Variants in PCDH11X observed in about 807,000 individuals in gnomAD.
PCDH11X encodes protocadherin 11 X-linked, also known as protocadherin-11 X-linked.
Under a neutral mutation model 53.3 loss-of-function variants are expected in PCDH11X, and 18 were observed. That is an observed-to-expected ratio of 0.34 (90% confidence interval 0.23 to 0.50). The LOEUF (loss-of-function observed/expected upper bound fraction) is 0.50, where lower values mean the gene tolerates loss of function less well. PCDH11X is among the 20% of genes least tolerant of loss of function. The pLI, the probability that PCDH11X is intolerant of heterozygous loss-of-function variation, is 0.98. For synonymous variants in PCDH11X, 279 were observed against 393.3 expected (o/e 0.71, Z 3.44); for missense variants, 570 against 1,032.4 (o/e 0.55, Z 6.14).
intron 8 of PCDH11X, among the ~76,000 whole-genome samples, chrX:92,343,678 C>CA (rs2069820030): frequency 9.0e-6 from 1 of 111,338 alleles, no homozygotes. Context: ...GTCTGTATTT[C>CA]AAAAAATACA....
At chrX:92,214,689 T>G (rs2066656503) in intron 7 of PCDH11X, among the ~76,000 whole-genome samples, 1 of 111,165 alleles carries the variant, frequency 9.0e-6, no homozygotes, top group Non-Finnish European at 1.9e-5. Flanking sequence ...CATGGACGTT[T>G]AGGTTTCCAT....
chrX:91,972,534 C>G (rs997002294), intron 6 of PCDH11X, among the ~76,000 whole-genome samples: 2 of 110,239 alleles, frequency 1.8e-5, no homozygotes, highest in Non-Finnish European at 3.8e-5. Context: ...ATGCCTACAT[C>G]CTGAATGGTA....
chrX:91,962,788 A>C (rs1356271589), intron 6 of PCDH11X, among the ~76,000 whole-genome samples: 3 of 110,991 alleles, frequency 2.7e-5, no homozygotes, highest in African/African-American at 9.8e-5. Flanking sequence ...AAATCTAGAT[A>C]GAAGTTCCCA....
At chrX:92,222,850 T>C (rs1039527148) in intron 7 of PCDH11X, among the ~76,000 whole-genome samples, 1 of 112,215 alleles carries the variant, frequency 8.9e-6, no homozygotes, top group Non-Finnish European at 1.9e-5. Flanking sequence ...ATTCCAGCCC[T>C]GATGTATGGA....
At chrX:92,409,358 G>A in intron 9 of PCDH11X, among the ~76,000 whole-genome samples, 1 of 112,049 alleles carries the variant, frequency 8.9e-6, no homozygotes, top group Non-Finnish European at 1.9e-5. Flanking sequence ...CTAGAACGTG[G>A]TTTGGCATTC....
At chrX:92,490,670 C>T (rs2073739887) in intron 10 of PCDH11X, among the ~76,000 whole-genome samples, 1 of 107,154 alleles carries the variant, frequency 9.3e-6, no homozygotes, top group South Asian at 4.2e-4. Context: ...TGCCCTGTCT[C>T]ACTATCATGC....
At chrX:92,407,163 A>G (rs1336112775) in intron 9 of PCDH11X, among the ~76,000 whole-genome samples, 3 of 107,594 alleles carry the variant, frequency 2.8e-5, no homozygotes, top group African/African-American at 6.8e-5. Flanking sequence ...TTATTGGCAT[A>G]TGTAAGTTTA....
At chrX:91,824,311 C>A (rs1421326379) in intron 4 of PCDH11X, among the ~76,000 whole-genome samples, 1 of 110,519 alleles carries the variant, frequency 9.0e-6, no homozygotes, top group Non-Finnish European at 1.9e-5. Flanking sequence ...TTCAGGTACA[C>A]CAATCAGACG....
At chrX:92,425,333 A>G (rs1007076620) in intron 9 of PCDH11X, among the ~76,000 whole-genome samples, 1 of 109,126 alleles carries the variant, frequency 9.2e-6, no homozygotes, top group Non-Finnish European at 1.9e-5. Context: ...GATATTTGTC[A>G]GATTATAGAT....
At chrX:91,891,994 T>G (rs1940500749) in intron 6 of PCDH11X, among the ~76,000 whole-genome samples, 1 of 88,378 alleles carries the variant, frequency 1.1e-5, no homozygotes, top group African/African-American at 4.1e-5. Context: ...TTTCAGTGTT[T>G]ACTATAATAA....
intron 10 of PCDH11X, among the ~76,000 whole-genome samples, chrX:92,599,024 T>C (rs1925943837): frequency 9.0e-6 from 1 of 110,730 alleles, no homozygotes; most frequent in Admixed American, 9.6e-5. Context: ...TAGGATATGA[T>C]TACCAGAGGC....
Position 91,835,842 on chromosome X carries a change from C to T in PCDH11X, c.338C>T (p.Ala113Val). The change falls in exon 5 of 11, where the codon GCC becomes GTC. Residue 113 changes from alanine (A) to valine (V), a missense_variant. Ala to Val is a moderately conservative substitution (Grantham distance 64). Around this residue, in one of 6 missense-constraint regions of PCDH11X, gnomAD observed 84 missense variants for 142.0 expected, o/e 0.59. Transcript: ENST00000682573. ...DEHCFYEVEV[A>V]ILPDEIFRLV... Reference sequence around the variant, plus strand: ...CATTGCTTTTATGAAGTGGAGGTTGCCATTTTGCCGGATGAAATATTTAGA... The same window carrying T: ...CATTGCTTTTATGAAGTGGAGGTTGTCATTTTGCCGGATGAAATATTTAGA... 1 of 1,209,763 alleles carries T rather than the reference C, an allele frequency of 8.3e-7. No homozygotes were observed. Among genetic ancestry groups the T allele is most frequent in the South Asian group, 1.8e-5 (1 of 56,862 alleles).
At chrX:92,571,058 G>C (rs2148773912) in intron 10 of PCDH11X, among the ~76,000 whole-genome samples, 1 of 111,948 alleles carries the variant, frequency 8.9e-6, no homozygotes, top group East Asian at 2.8e-4. Flanking sequence ...ACCTTACATT[G>C]TTTTCAAATT....
intron 6 of PCDH11X, among the ~76,000 whole-genome samples, chrX:92,055,863 T>C (rs1478518125): frequency 2.7e-5 from 3 of 111,218 alleles, no homozygotes; most frequent in East Asian, 2.8e-4. Context: ...GTTCCCTCCA[T>C]GTCCCTGCAA....
intron 4 of PCDH11X, among the ~76,000 whole-genome samples, chrX:91,817,915 T>G (rs2147574151): frequency 8.9e-6 from 1 of 111,850 alleles, no homozygotes; most frequent in East Asian, 2.8e-4. Flanking sequence ...AAAGAATTAA[T>G]GTACCCTGTG....
At chrX:92,225,457 A>G (rs1400368811) in intron 7 of PCDH11X, among the ~76,000 whole-genome samples, 1 of 111,555 alleles carries the variant, frequency 9.0e-6, no homozygotes, top group Non-Finnish European at 1.9e-5. Flanking sequence ...CTAGTTGCTC[A>G]TAGTTTGGTA....
intron 6 of PCDH11X, among the ~76,000 whole-genome samples, chrX:91,945,099 C>T (rs2061557876): frequency 1.1e-5 from 1 of 94,854 alleles, no homozygotes; most frequent in Non-Finnish European, 2.1e-5. Context: ...GTGTTGTTTT[C>T]ATATACAGTG....
rs781707166 is a variant in PCDH11X at position 92,596,947 on chromosome X, C to A, written c.3368-21317C>A. Among the ~76,000 whole-genome samples, 289 of 111,221 alleles carry A rather than the reference C, an allele frequency of 2.6e-3. 2 individuals are homozygous for A. The highest frequency in any genetic ancestry group is 9.2e-3 in the African/African-American group (283 of 30,679). On this transcript the variant is annotated intron_variant, in intron 10 of 10. Transcript: ENST00000682573. ...TATCAATAGAATGAAAGAAAAAAAACTATGATTATTTCAATTGAAGTCAAA... is the reference window on the plus strand; with the variant it reads ...TATCAATAGAATGAAAGAAAAAAAAATATGATTATTTCAATTGAAGTCAAA...
chrX:92,217,705 A>G (rs1001929186), intron 7 of PCDH11X, among the ~76,000 whole-genome samples: 3 of 106,496 alleles, frequency 2.8e-5, no homozygotes, highest in African/African-American at 6.8e-5. Flanking sequence ...AAGTGGACCT[A>G]ATAGACATCT....
Sources: gnomAD v4.1 joint callset for allele counts (sites outside exome capture counted in the v4.1 genomes callset) on GRCh38, gnomAD v4.1.1 for gene constraint, gnomAD v4.1.1 regional missense constraint, MANE v1.5 for transcripts, NCBI Gene and HGNC (gene_info 2026-07-23, HGNC 2026-07-21) for gene names.